SNTB1: variants seen among roughly 807,000 people sequenced by gnomAD.
The protein encoded by SNTB1 is syntrophin beta 1.
Under a neutral mutation model 48.9 loss-of-function variants are expected in SNTB1, and 36 were observed. The ratio of observed to expected loss-of-function variants is 0.74; its 90% CI spans 0.56 to 0.97. SNTB1 has a LOEUF of 0.97. SNTB1 is among the 50% of genes least tolerant of loss of function. SNTB1 has a pLI of 0.00. For missense variants in SNTB1, 786 were observed against 703.4 expected, an observed-to-expected ratio of 1.12 and a Z score of -1.33; for synonymous variants, 299 against 294.6, an observed-to-expected ratio of 1.01 and a Z score of -0.15.
chr8:120,540,852 G>A (rs1336053881), intron 6 of SNTB1, among the ~76,000 whole-genome samples: 2 of 152,284 alleles, frequency 1.3e-5, no homozygotes, highest in East Asian at 3.9e-4. Flanking sequence ...CAGAAGTATG[G>A]CATCATTTAG....
At chr8:120,657,079 T>C (rs1045564032) in intron 2 of SNTB1, among the ~76,000 whole-genome samples, 1 of 152,224 alleles carries the variant, frequency 6.6e-6, no homozygotes, top group African/African-American at 2.4e-5. Flanking sequence ...CATTTTCATT[T>C]GGATGTCTTT....
At chr8:120,798,423 AGATAATG>A (rs1820158480) in intron 1 of SNTB1, among the ~76,000 whole-genome samples, 1 of 152,056 alleles carries the variant, frequency 6.6e-6, no homozygotes, top group African/African-American at 2.4e-5. Flanking sequence ...AACTAGAAGA[AGATAATG>A]CTACTTGCAC....
At position 120,575,225 on chromosome 8, in the gene SNTB1, C is replaced by T; in HGVS notation, c.997G>A (p.Val333Met). 6.2e-7 allele frequency: 1 copy of T among 1,613,962 alleles called. No individual in the cohort carries two copies. Among genetic ancestry groups the T allele is most frequent in the Non-Finnish European group, 8.5e-7 (1 of 1,179,968 alleles). ...CACTGTTTCTTGCTCTCCCCTGGCA[C>T]CTGAAAAAGAAAGCAGAGAACTGTC... The part of the protein sequence containing the change: ...IRHLGWLAEK[V>M]PGESKKQWKP... The change falls in exon 4 of 7, where the codon GTG becomes ATG. Residue 333 changes from valine (V) to methionine (M), a missense_variant and splice_region_variant. Physicochemically the swap from Val to Met is conservative, Grantham distance 21. Transcript: ENST00000517992.
intron 1 of SNTB1, among the ~76,000 whole-genome samples, chr8:120,726,805 G>A (rs1818763363): frequency 6.6e-6 from 1 of 152,136 alleles, no homozygotes; most frequent in African/African-American, 2.4e-5. Flanking sequence ...CTGGCAATGT[G>A]GGAGAGTGTT....
At chr8:120,612,987 T>C (rs1293578468) in intron 3 of SNTB1, among the ~76,000 whole-genome samples, 1 of 152,198 alleles carries the variant, frequency 6.6e-6, no homozygotes, top group Non-Finnish European at 1.5e-5. Flanking sequence ...GAGGTCATGA[T>C]GTTAAGCGAA....
At chr8:120,625,557 T>C (rs1318954115) in intron 3 of SNTB1, among the ~76,000 whole-genome samples, 1 of 152,260 alleles carries the variant, frequency 6.6e-6, no homozygotes, top group East Asian at 1.9e-4. Flanking sequence ...TTTGAGAGAA[T>C]AGATGATGGA....
At chr8:120,734,403 C>T (rs905439978) in intron 1 of SNTB1, among the ~76,000 whole-genome samples, 4 of 149,900 alleles carry the variant, frequency 2.7e-5, no homozygotes, top group African/African-American at 5.0e-5. Flanking sequence ...GCCAAGATTG[C>T]ACCATTGCAC....
intron 1 of SNTB1, among the ~76,000 whole-genome samples, chr8:120,702,712 G>C (rs374448216): frequency 2.0e-5 from 3 of 152,174 alleles, no homozygotes; most frequent in Non-Finnish European, 2.9e-5. Context: ...ATATGCAATT[G>C]TTTGCATAAT....
At chr8:120,644,198 C>T (rs144110996) in intron 2 of SNTB1, among the ~76,000 whole-genome samples, 68 of 150,912 alleles carry the variant, frequency 4.5e-4, no homozygotes, top group African/African-American at 1.6e-3. Flanking sequence ...TTTTACGGTA[C>T]ATGTGCACAT....
At chr8:120,557,261 C>G (rs1815579769) in intron 4 of SNTB1, among the ~76,000 whole-genome samples, 2 of 152,110 alleles carry the variant, frequency 1.3e-5, no homozygotes, top group Admixed American at 1.3e-4. Flanking sequence ...TATTGACTTC[C>G]CCAGGGATGT....
chr8:120,770,966 C>A (rs1022216992), intron 1 of SNTB1, among the ~76,000 whole-genome samples: 3 of 152,164 alleles, frequency 2.0e-5, no homozygotes, highest in East Asian at 3.8e-4. Flanking sequence ...AAATAATGAT[C>A]TCAGAATACT....
chr8:120,794,974 C>T (rs1820097960), intron 1 of SNTB1, among the ~76,000 whole-genome samples: 2 of 152,116 alleles, frequency 1.3e-5, no homozygotes, highest in African/African-American at 4.8e-5. Flanking sequence ...CTCAGACTGG[C>T]TGAAAGGCTA....
chr8:120,575,331 T>C, intron 3 of SNTB1, 106 bp from the exon 4 acceptor site: 2 of 1,304,036 alleles, frequency 1.5e-6, no homozygotes, highest in South Asian at 1.3e-5. Context: ...TTGAGTGTCT[T>C]TTGGTTTGGT....
In SNTB1 at chr8:120,554,785, C is replaced by T. The variant is rs187651228; in HGVS notation, c.1137-5827G>A. Among the ~76,000 whole-genome samples, 3 of 152,254 alleles carry T rather than the reference C, an allele frequency of 2.0e-5. No individual in the cohort carries two copies. The East Asian group carries it at 5.8e-4, about 29-fold the overall frequency. ...GGGATGAAACCTATACCTGTGGCCT[C>T]ATTAATCCCTTACACTGACACACTG... On this transcript the variant is annotated intron_variant, in intron 4 of 6. Coordinates refer to ENST00000517992, the MANE Select transcript of SNTB1 (RefSeq NM_021021.4).
At chr8:120,590,978 C>T (rs370042824) in intron 3 of SNTB1, among the ~76,000 whole-genome samples, 1 of 152,264 alleles carries the variant, frequency 6.6e-6, no homozygotes, top group East Asian at 1.9e-4. Context: ...AAACACTGTG[C>T]CCTGCCTCAT....
At chr8:120,766,951 T>C (rs1819536071) in intron 1 of SNTB1, among the ~76,000 whole-genome samples, 1 of 152,192 alleles carries the variant, frequency 6.6e-6, no homozygotes, top group Non-Finnish European at 1.5e-5. Flanking sequence ...TTATTTCTAA[T>C]TATATGAATG....
chr8:120,761,912 G>C (rs1173790729), intron 1 of SNTB1, among the ~76,000 whole-genome samples: 1 of 152,202 alleles, frequency 6.6e-6, no homozygotes, highest in Non-Finnish European at 1.5e-5. Flanking sequence ...TCAAGGCTGG[G>C]TTCCAGCAGT....
At chr8:120,711,715 C>G (rs1266741743) in intron 1 of SNTB1, among the ~76,000 whole-genome samples, 4 of 152,102 alleles carry the variant, frequency 2.6e-5, no homozygotes, top group Admixed American at 2.6e-4. Context: ...ACAAGTCATG[C>G]AGGATTTCTG....
intron 1 of SNTB1, among the ~76,000 whole-genome samples, chr8:120,761,000 C>T (rs147742890): frequency 3.0e-4 from 45 of 152,122 alleles, no homozygotes; most frequent in African/African-American, 1.0e-3. Context: ...AAAGAACACA[C>T]GCAAAAGTTA....
Sources: allele counts gnomAD v4.1 joint callset (sites outside exome capture counted in the v4.1 genomes callset), GRCh38; gene constraint gnomAD v4.1.1; transcripts MANE v1.5; gene names NCBI Gene and HGNC (gene_info 2026-07-23, HGNC 2026-07-21).